The following SLC25A38 variants were observed in gnomAD, a reference collection of about 807,000 sequenced individuals.
The protein encoded by SLC25A38 is mitochondrial glycine transporter.
SLC25A38 carries 27 observed loss-of-function variants against 33.4 expected under a neutral mutation model. The ratio of observed to expected loss-of-function variants is 0.81; its 90% CI spans 0.60 to 1.11. The LOEUF (loss-of-function observed/expected upper bound fraction) is 1.11, where lower values mean the gene tolerates loss of function less well. Ranked by LOEUF, SLC25A38 falls within the 50% of genes most tolerant of loss-of-function variation. The probability of loss-of-function intolerance (pLI) is 0.00; values close to 1 mark genes in which losing one functional copy is unlikely to be tolerated. For missense variants in SLC25A38, 344 were observed against 388.8 expected (o/e 0.88, Z 0.97); for synonymous variants, 123 against 145.9 (o/e 0.84, Z 1.13).
At chr3:39,393,563 G>A (rs980987595) in intron 5 of SLC25A38, among the ~76,000 whole-genome samples, 1 of 152,100 alleles carries the variant, frequency 6.6e-6, no homozygotes, top group African/African-American at 2.4e-5. Context: ...GCAGCAACGT[G>A]ATCTTGGTTC....
At chr3:39,392,168 A>G in intron 5 of SLC25A38, 147 bp downstream of exon 5, 1 of 1,097,202 alleles carries the variant, frequency 9.1e-7, no homozygotes, top group Middle Eastern at 2.2e-4. Context: ...TGGGATGCAA[A>G]GGTGGATATG....
chr3:39,383,680 G>A lies in SLC25A38; in HGVS notation c.-45G>A. ...CCTCCAGGGCTGGGCCCAAGCGCCC[G>A]TCGACGGCACCCTGGGCCCAGAGGA... On this transcript the variant is annotated 5_prime_UTR_variant, in exon 1 of 7. Coordinates refer to ENST00000650617, the MANE Select transcript of SLC25A38 (RefSeq NM_017875.4). The A allele has an allele frequency of 6.2e-7, 1 of 1,612,414 alleles. No individual in the cohort carries two copies. The highest frequency in any genetic ancestry group is 8.5e-7 in the Non-Finnish European group (1 of 1,178,650).
chr3:39,389,700 T>G lies in SLC25A38; in HGVS notation c.191+84T>G. On this transcript the variant is annotated intron_variant, in intron 2 of 6. Transcript: ENST00000650617. The surrounding 1 kb of genome is among the most constrained non-coding windows in gnomAD (Gnocchi z 4.5). ...CTTTACTGTGTTAAGTCAACTTCCA[T>G]TCTGTTGGATGTTCAGAGAGAAACA... is the stretch of plus-strand genomic sequence containing the variant. 1.9e-6 allele frequency: 3 copies of G among 1,606,112 alleles called. No individual in the cohort carries two copies. Among genetic ancestry groups the G allele is most frequent in the Non-Finnish European group, 2.6e-6 (3 of 1,173,690 alleles).
At chr3:39,396,259 A>G (rs1378014397) in intron 6 of SLC25A38, 139 bp from the exon 7 acceptor site, 22 of 1,405,598 alleles carry the variant, frequency 1.6e-5, no homozygotes, top group South Asian at 8.1e-5. Context: ...CCTTGGACCC[A>G]TTATTCTTAC....
rs780060175 is a variant in SLC25A38 at position 39,391,824 on chromosome 3, G to A, written c.457-29G>A. On this transcript the variant is annotated intron_variant, in intron 4 of 6. Coordinates refer to ENST00000650617, the MANE Select transcript of SLC25A38 (RefSeq NM_017875.4). The stretch of plus-strand genomic sequence containing the variant: ...GTGCTGAAATGCAGCGCCTCCATGC[G>A]AGTCACTGGTTCTGTGCTCTCTTTG... 3.8e-5 allele frequency: 62 copies of A among 1,612,696 alleles called. No homozygotes were observed. In the Admixed American group the frequency reaches 7.0e-4, roughly 18 times the overall value.
At chr3:39,392,981 G>A (rs1263556997) in intron 5 of SLC25A38, among the ~76,000 whole-genome samples, 2 of 152,194 alleles carry the variant, frequency 1.3e-5, no homozygotes, top group African/African-American at 4.8e-5. Flanking sequence ...TTTTGGCTAA[G>A]ATCAAGTGTA....
intron 1 of SLC25A38, among the ~76,000 whole-genome samples, chr3:39,386,467 G>A (rs1156529950): frequency 6.6e-6 from 1 of 152,176 alleles, no homozygotes; most frequent in African/African-American, 2.4e-5. Flanking sequence ...CCAGCTACTC[G>A]TGAGGCTGAG....
At position 39,383,675 on chromosome 3, in the gene SLC25A38, C is replaced by G; in HGVS notation, c.-50C>G. The G allele has an allele frequency of 3.7e-6, 6 of 1,604,658 alleles. No homozygotes were observed. Among genetic ancestry groups the G allele is most frequent in the Non-Finnish European group, 5.1e-6 (6 of 1,171,702 alleles). Reference sequence around the variant, plus strand: ...CAAGGCCTCCAGGGCTGGGCCCAAGCGCCCGTCGACGGCACCCTGGGCCCA... The same window carrying G: ...CAAGGCCTCCAGGGCTGGGCCCAAGGGCCCGTCGACGGCACCCTGGGCCCA... On this transcript the variant is annotated 5_prime_UTR_variant, in exon 1 of 7. Transcript: ENST00000650617.
At chr3:39,387,023 C>T (rs76742381) in intron 1 of SLC25A38, among the ~76,000 whole-genome samples, 3,486 of 151,986 alleles carry the variant, frequency 0.023, 124 homozygotes, top group African/African-American at 0.078. Context: ...GAGTATGGTT[C>T]ATTTAAGGGA....
chr3:39,384,457 A>C, intron 1 of SLC25A38: 1 of 379,002 alleles, frequency 2.6e-6, no homozygotes, highest in Non-Finnish European at 4.6e-6. Context: ...AGGCCACTGC[A>C]GCTGCCGCAG....
chr3:39,391,830 C>T (rs757043186), intron 4 of SLC25A38, 23 bp from the exon 5 acceptor site: 25 of 1,612,930 alleles, frequency 1.5e-5, no homozygotes, highest in East Asian at 2.2e-5. Flanking sequence ...ATGCGAGTCA[C>T]TGGTTCTGTG....
chr3:39,391,719 TAG>T (rs941985453), intron 4 of SLC25A38, 99 bp downstream of exon 4: 107 of 1,600,092 alleles, frequency 6.7e-5, no homozygotes, highest in Non-Finnish European at 8.7e-5. Flanking sequence ...TAATCTAACA[TAG>T]AGTCTGATGT....
chr3:39,391,700 C>G, intron 4 of SLC25A38, 80 bp downstream of exon 4: 1 of 1,607,270 alleles, frequency 6.2e-7, no homozygotes, highest in South Asian at 1.1e-5. Flanking sequence ...GATGTCAACT[C>G]CTGATTTGTA....
At chr3:39,392,045 G>C in intron 5 of SLC25A38, 24 bp downstream of exon 5, 2 of 1,613,996 alleles carry the variant, frequency 1.2e-6, no homozygotes, top group Non-Finnish European at 1.7e-6. Context: ...AAGATCTGGG[G>C]AAGAGCTATC....
intron 5 of SLC25A38, among the ~76,000 whole-genome samples, chr3:39,393,192 A>C (rs988817489): frequency 6.6e-6 from 1 of 152,204 alleles, no homozygotes; most frequent in Non-Finnish European, 1.5e-5. Flanking sequence ...AGGCTGAGGC[A>C]CGAGAATCGC....
chr3:39,392,899 G>A (rs935583509), intron 5 of SLC25A38, among the ~76,000 whole-genome samples: 22 of 152,176 alleles, frequency 1.4e-4, no homozygotes, highest in Non-Finnish European at 3.1e-4. Context: ...AGGCAATAAG[G>A]AAGCATAGAT....
Position 39,389,474 on chromosome 3 carries a change from C to T in SLC25A38, c.70-21C>T, listed in dbSNP as rs775258195. ...GCTCACACAGGCAGAGCTACTGACACAATATTGTCTTATCCTGCAGTTACA... is the reference window on the plus strand; with the variant it reads ...GCTCACACAGGCAGAGCTACTGACATAATATTGTCTTATCCTGCAGTTACA... On this transcript the variant is annotated intron_variant, in intron 1 of 6. Transcript: ENST00000650617. This position sits in a 1 kb window ranked among gnomAD's most constrained non-coding sequence, Gnocchi z 4.5. 3.7e-6 allele frequency: 6 copies of T among 1,614,224 alleles called. No individual in the cohort carries two copies. The highest frequency in any genetic ancestry group is 2.2e-5 in the East Asian group (1 of 44,884).
At chr3:39,392,409 A>T (rs1391598921) in intron 5 of SLC25A38, among the ~76,000 whole-genome samples, 1 of 152,106 alleles carries the variant, frequency 6.6e-6, no homozygotes, top group East Asian at 1.9e-4. Context: ...ATTTTTCAAG[A>T]CGCACTTGAT....
At chr3:39,392,490 C>T (rs1328822816) in intron 5 of SLC25A38, among the ~76,000 whole-genome samples, 1 of 151,992 alleles carries the variant, frequency 6.6e-6, no homozygotes. Context: ...TTTCATCTCC[C>T]TTGCTGTGTT....
Sources: allele counts gnomAD v4.1 joint callset (sites outside exome capture counted in the v4.1 genomes callset), GRCh38; gene constraint gnomAD v4.1.1; non-coding constraint Gnocchi (gnomAD v3.1); transcripts MANE v1.5; gene names NCBI Gene and HGNC (gene_info 2026-07-23, HGNC 2026-07-21).